The following CGB1 variants were observed in gnomAD, a reference collection of about 807,000 sequenced individuals.
CGB1 encodes choriogonadotropin subunit beta variant 1.
In CGB1, 4 loss-of-function variants were observed where a neutral mutation model predicts 7.0. The ratio of observed to expected loss-of-function variants is 0.57; its 90% CI spans 0.28 to 1.31. CGB1 has a LOEUF of 1.31. Among genes scored for constraint, CGB1 ranks in the 50% most tolerant of loss-of-function variants. The pLI is 0.10. For missense variants in CGB1, 139 were observed against 219.1 expected (o/e 0.63, Z 2.31); for synonymous variants, 72 against 96.4 (o/e 0.75, Z 1.48).
At chr19:49,036,478 C>T (rs1568660058) in intron 1 of CGB1, 175 bp from the exon 2 acceptor site, 49 of 1,554,844 alleles carry the variant, frequency 3.2e-5, no homozygotes, top group Non-Finnish European at 4.1e-5. Context: ...CCCAGAGGAC[C>T]TGAGATACCC....
intron 1 of CGB1, 149 bp from the exon 2 acceptor site, chr19:49,036,452 A>G: frequency 6.4e-7 from 1 of 1,561,680 alleles, no homozygotes; most frequent in African/African-American, 1.4e-5. Context: ...CCTGCCTTTC[A>G]GAGCCCACCC....
rs2039820381 is a variant in CGB1, at chr19:49,036,483, A to G, written c.10-180T>C. The G allele has an allele frequency of 5.1e-6, 8 of 1,557,068 alleles. No homozygotes were observed. In the South Asian group the frequency reaches 9.6e-5, roughly 19 times the overall value. ...CACCCCACAGCCCAGAGGACCTGAG[A>G]TACCCCAACATTTCAGATCCGCACC... On this transcript the variant is annotated intron_variant, in intron 1 of 2. Transcript: ENST00000301407.
chr19:49,036,517 C>T (rs961469022), intron 1 of CGB1, 186 bp downstream of exon 1: 113 of 1,594,672 alleles, frequency 7.1e-5, no homozygotes, highest in Non-Finnish European at 9.1e-5. Context: ...CCCTCAGGAA[C>T]TGACCCACCT....
Position 49,035,675 on chromosome 19 carries a change from C to T in CGB1, c.403G>A (p.Asp135Asn), listed in dbSNP as rs369301126. The part of the protein sequence containing the change: ...PLTCDDPRFQ[D>N]SSSSKAPPPS... ...GGAGGGGCCTTTGAGGAAGAGGAGT[C>T]CTGGAAGCGGGGGTCATCACAGGTC... is the stretch of plus-strand genomic sequence containing the variant. Residue 135 changes from aspartate (D) to asparagine (N), a missense_variant, in exon 3 of 3, where the codon GAC becomes AAC. Coordinates refer to ENST00000301407, the MANE Select transcript of CGB1 (RefSeq NM_033377.2). The T allele has an allele frequency of 1.4e-5, 22 of 1,610,392 alleles. No homozygotes were observed. The highest frequency in any genetic ancestry group is 1.8e-5 in the Non-Finnish European group (21 of 1,179,676).
Position 49,035,901 on chromosome 19 carries a change from C to A in CGB1, c.178-1G>T, listed in dbSNP as rs1037245588. 3 of 1,330,900 alleles carry A rather than the reference C, an allele frequency of 2.3e-6. No homozygotes were observed. Among genetic ancestry groups the A allele is most frequent in the Non-Finnish European group, 2.0e-6 (2 of 981,910 alleles). The allele number at this position is 1,330,900 out of a possible 1,614,324, so 82.4% of individuals were successfully genotyped here. A position where few individuals can be genotyped will look rare whatever the true frequency, so the allele number is the denominator to read the frequency against. Reference sequence around the variant, plus strand: ...GCAGGACCCCCTGCAGCACGCGGGTCTGGAAGCCGTGTGAGTGGGGGAATG... The same window carrying A: ...GCAGGACCCCCTGCAGCACGCGGGTATGGAAGCCGTGTGAGTGGGGGAATG... On this transcript the variant is annotated splice_acceptor_variant, in intron 2 of 2. Coordinates refer to ENST00000301407, the MANE Select transcript of CGB1 (RefSeq NM_033377.2). LOFTEE classifies it high-confidence loss of function.
In CGB1 at chr19:49,035,775, G is replaced by C; in HGVS notation, c.303C>G (p.Ala101=). The change falls in exon 3 of 3, where the codon GCC becomes GCG. Residue 101 remains alanine, a synonymous_variant. Transcript: ENST00000301407. The stretch of plus-strand genomic sequence containing the variant: ...GTGCACATTGACAGCTGAGAGCCAC[G>C]GCGTAGGAGACCACGGGGTTCACGC... ...PRGVNPVVSY[A]VALSCQCALC... 6.2e-7 allele frequency: 1 copy of C among 1,603,778 alleles called. No homozygotes were observed. Among genetic ancestry groups the C allele is most frequent in the Non-Finnish European group, 8.5e-7 (1 of 1,176,182 alleles).
rs371968536 is a variant in CGB1, at chr19:49,036,766, G to A, written c.-55C>T. ...AGCACTGGGAATGTGGACATGGAAA[G>A]TAAATTGAGTCTCCGTGGGGGAGTG... On this transcript the variant is annotated 5_prime_UTR_variant, in exon 1 of 3. Transcript: ENST00000301407. The A allele has an allele frequency of 7.3e-5, 117 of 1,612,960 alleles. No homozygotes were observed. The African/African-American group carries it at 1.3e-3, about 17-fold the overall frequency.
rs772131200 is a variant in CGB1 at position 49,036,278 on chromosome 19, C to T, written c.35G>A (p.Ser12Asn). 3 of 1,607,062 alleles carry T rather than the reference C, an allele frequency of 1.9e-6. No individual in the cohort carries two copies. In the East Asian group the frequency reaches 6.7e-5, roughly 36 times the overall value. ...SKRLLLLLLLSMGGTWASKEP... is the reference protein window; with the variant it reads ...SKRLLLLLLLNMGGTWASKEP... ...CTTGGATGCCCATGTCCCGCCCATG[C>T]TCAGCAGCAGCAACAGCAGCAGCCT... is the stretch of plus-strand genomic sequence containing the variant. The change falls in exon 2 of 3, where the codon AGC (serine) becomes AAC (asparagine). Residue 12 changes from serine to asparagine, a missense_variant. Coordinates refer to ENST00000301407, the MANE Select transcript of CGB1 (RefSeq NM_033377.2).
At chr19:49,036,461 C>G in intron 1 of CGB1, 158 bp from the exon 2 acceptor site, 1 of 1,556,546 alleles carries the variant, frequency 6.4e-7, no homozygotes. Context: ...CAGAGCCCAC[C>G]CCACAGCCCA....
Position 49,035,899 on chromosome 19 carries a change from G to A in CGB1, c.179C>T (p.Thr60Ile). The change falls in exon 3 of 3, where the codon ACC becomes ATC. Residue 60 changes from threonine (T) to isoleucine (I), a missense_variant and splice_region_variant. Coordinates refer to ENST00000301407, the MANE Select transcript of CGB1 (RefSeq NM_033377.2). ...TICAGYCPTM[T>I]RVLQGVLPAL... is the part of the protein sequence containing the mutation. ...CGGCAGGACCCCCTGCAGCACGCGG[G>A]TCTGGAAGCCGTGTGAGTGGGGGAA... 3 of 1,339,728 alleles carry A rather than the reference G, an allele frequency of 2.2e-6. No individual in the cohort carries two copies. The highest frequency in any genetic ancestry group is 1.0e-6 in the Non-Finnish European group (1 of 988,834). The allele number at this position is 1,339,728 out of a possible 1,614,324, so 83.0% of individuals were successfully genotyped here. A position where few individuals can be genotyped will look rare whatever the true frequency, so the allele number is the denominator to read the frequency against.
Position 49,035,752 on chromosome 19 carries a change from G to A in CGB1, c.326C>T (p.Ala109Val), listed in dbSNP as rs1277824533. 1 of 1,607,480 alleles carries A rather than the reference G, an allele frequency of 6.2e-7. No homozygotes were observed. Among genetic ancestry groups the A allele is most frequent in the South Asian group, 1.1e-5 (1 of 90,834 alleles). Residue 109 changes from alanine (A) to valine (V), a missense_variant, in exon 3 of 3, where the codon GCA becomes GTA. Coordinates refer to ENST00000301407, the MANE Select transcript of CGB1 (RefSeq NM_033377.2). ...SYAVALSCQC[A>V]LCRRSTTDCG... The stretch of plus-strand genomic sequence containing the variant: ...GTCAGTGGTGCTGCGGCGGCAGAGT[G>A]CACATTGACAGCTGAGAGCCACGGC...
rs768020387 is a variant in CGB1 at position 49,036,256 on chromosome 19, G to C, written c.57C>G (p.Ser19=). Residue 19 remains serine (S), a synonymous_variant, in exon 2 of 3, where the codon TCC becomes TCG. Transcript: ENST00000301407. ...LLLSMGGTWA[S]KEPLRPRCRP... ...GGCACCGTGGCCGAAGCGGCTCCTT[G>C]GATGCCCATGTCCCGCCCATGCTCA... is the stretch of plus-strand genomic sequence containing the variant. The C allele has an allele frequency of 1.6e-5, 26 of 1,608,234 alleles. No homozygotes were observed. The highest frequency in any genetic ancestry group is 2.2e-4 in the Middle Eastern group (1 of 4,564).
intron 1 of CGB1, 198 bp downstream of exon 1, chr19:49,036,505 C>T (rs1470378933): frequency 2.5e-6 from 4 of 1,582,132 alleles, no homozygotes; most frequent in Non-Finnish European, 3.4e-6. Flanking sequence ...TTCAGATCCG[C>T]ACCCTCAGGA....
chr19:49,036,345 C>A (rs768667297), intron 1 of CGB1, 42 bp from the exon 2 acceptor site: 4 of 1,602,714 alleles, frequency 2.5e-6, no homozygotes, highest in Middle Eastern at 4.5e-4. Flanking sequence ...GAGACTGCAG[C>A]CCCCAGTCCT....
rs763750280 is a variant in CGB1 at position 49,035,815 on chromosome 19, G to C, written c.263C>G (p.Pro88Arg). The C allele has an allele frequency of 1.6e-5, 25 of 1,579,906 alleles. No individual in the cohort carries two copies. Among genetic ancestry groups the C allele is most frequent in the African/African-American group, 1.1e-4 (8 of 71,356 alleles). The change falls in exon 3 of 3, where the codon CCT (proline) becomes CGT (arginine). Residue 88 changes from proline to arginine, a missense_variant. Pro to Arg is a moderately radical substitution (Grantham distance 103). Around this residue, in one of 4 missense-constraint regions of CGB1, gnomAD observed 60 missense variants for 105.8 expected, o/e 0.57. Coordinates refer to ENST00000301407, the MANE Select transcript of CGB1 (RefSeq NM_033377.2). ...RDVRFESIRL[P>R]GCPRGVNPVV... is the part of the protein sequence containing the mutation. ...GGGGTTCACGCCGCGCGGGCAGCCA[G>C]GGAGCCGGATGGACTCGAAGCGCAC...
At chr19:49,036,343 A>G (rs2039818079) in intron 1 of CGB1, 40 bp from the exon 2 acceptor site, 1 of 1,602,888 alleles carries the variant, frequency 6.2e-7, no homozygotes, top group Non-Finnish European at 8.5e-7. Context: ...CTGAGACTGC[A>G]GCCCCCAGTC....
At position 49,036,810 on chromosome 19, in the gene CGB1, G is replaced by A. The variant is rs2039826427; in HGVS notation, c.-99C>T. 5.7e-6 allele frequency: 9 copies of A among 1,569,338 alleles called. No individual in the cohort carries two copies. Among genetic ancestry groups the A allele is most frequent in the Non-Finnish European group, 7.0e-6 (8 of 1,140,160 alleles). On this transcript the variant is annotated 5_prime_UTR_variant, in exon 1 of 3. Transcript: ENST00000301407. ...GGGAGTGAGACAGGGAGTGAGGGGTGTTGGACGCGGCACGGGAACCTGGCC... is the reference window on the plus strand; with the variant it reads ...GGGAGTGAGACAGGGAGTGAGGGGTATTGGACGCGGCACGGGAACCTGGCC...
At position 49,036,214 on chromosome 19, in the gene CGB1, G is replaced by A. The variant is rs1429863566; in HGVS notation, c.99C>T (p.Thr33=). The A allele has an allele frequency of 1.2e-6, 2 of 1,610,124 alleles. No individual in the cohort carries two copies. The highest frequency in any genetic ancestry group is 1.7e-6 in the Non-Finnish European group (2 of 1,179,778). ...LRPRCRPINA[T]LAVEKEGCPV... ...GGCAGCCCTCCTTCTCCACAGCCAG[G>A]GTGGCATTGATGGGGCGGCACCGTG... is the stretch of plus-strand genomic sequence containing the variant. The change falls in exon 2 of 3, where the codon ACC becomes ACT. Residue 33 remains threonine, a synonymous_variant. Transcript: ENST00000301407.
rs1372541577 is a variant in CGB1, at chr19:49,036,879, C to A, written c.-168G>T. 1.4e-5 allele frequency: 13 copies of A among 920,128 alleles called. No homozygotes were observed. The highest frequency in any genetic ancestry group is 2.2e-4 in the Middle Eastern group (1 of 4,498). 57.0% of individuals were successfully genotyped at this position (920,128 alleles called of 1,614,324 possible). A position where few individuals can be genotyped will look rare whatever the true frequency, so the allele number is the denominator to read the frequency against. The stretch of plus-strand genomic sequence containing the variant: ...TGGCTGCTCTCTCTCAGATGCAGTT[C>A]CCCTTCCTCCCTCCAGGGGGCGCCA... On this transcript the variant is annotated 5_prime_UTR_variant, in exon 1 of 3. Coordinates refer to ENST00000301407, the MANE Select transcript of CGB1 (RefSeq NM_033377.2).
Sources: allele counts gnomAD v4.1 joint callset, GRCh38; gene constraint gnomAD v4.1.1; regional missense constraint gnomAD v4.1.1; transcripts MANE v1.5; gene names NCBI Gene and HGNC (gene_info 2026-07-23, HGNC 2026-07-21).